Variants in ABL1 observed in about 807,000 individuals in gnomAD.
ABL1 encodes the protein tyrosine-protein kinase ABL1.
In ABL1, 11 loss-of-function variants were observed where a neutral mutation model predicts 94.7. The ratio of observed to expected loss-of-function variants is 0.12; its 90% CI spans 0.07 to 0.19. The LOEUF is 0.19. Among genes scored for constraint, ABL1 ranks in the 10% least tolerant of loss-of-function variants. ABL1 has a pLI of 1.00. For synonymous variants in ABL1, 656 were observed against 622.4 expected (o/e 1.05, Z -0.80); for missense variants, 1,082 against 1,489.4 (o/e 0.73, Z 4.50).
At chr9:130,720,166 C>A (rs1013507263) in intron 1 of ABL1, among the ~76,000 whole-genome samples, 1 of 152,162 alleles carries the variant, frequency 6.6e-6, no homozygotes, top group African/African-American at 2.4e-5. Context: ...ACAAAACAAT[C>A]CCTGCCCTCC....
In ABL1 at chr9:130,885,336, C is replaced by A. The variant is rs1423362935; in HGVS notation, c.3046C>A (p.Arg1016Ser). 1 of 1,613,732 alleles carries A rather than the reference C, an allele frequency of 6.2e-7. No homozygotes were observed. Among genetic ancestry groups the A allele is most frequent in the Non-Finnish European group, 8.5e-7 (1 of 1,180,042 alleles). ...ISTRVSLRKT[R>S]QPPERIASGA... ...AACCCGAGTGTCTCTTCGGAAAACC[C>A]GCCAGCCTCCAGAGCGGATCGCCAG... The change falls in exon 11 of 11, where the codon CGC becomes AGC. Residue 1016 changes from arginine to serine, a missense_variant. By Grantham distance (110) the Arg-to-Ser change is moderately radical. Around this residue, in one of 7 missense-constraint regions of ABL1, gnomAD observed 780 missense variants for 835.8 expected, o/e 0.93. Coordinates refer to ENST00000318560, the MANE Select transcript of ABL1 (RefSeq NM_005157.6).
intron 1 of ABL1, among the ~76,000 whole-genome samples, chr9:130,780,077 A>C (rs1187203027): frequency 2.0e-5 from 3 of 152,140 alleles, no homozygotes; most frequent in Non-Finnish European, 2.9e-5. Flanking sequence ...CGAGGTCAGG[A>C]GTTCAAGACC....
At chr9:130,722,940 A>G (rs1831534777) in intron 1 of ABL1, among the ~76,000 whole-genome samples, 1 of 152,240 alleles carries the variant, frequency 6.6e-6, no homozygotes, top group African/African-American at 2.4e-5. Context: ...CTTGTGCTTC[A>G]GATCTCCAAG....
chr9:130,771,050 C>T (rs1323714845), intron 1 of ABL1, among the ~76,000 whole-genome samples: 2 of 152,094 alleles, frequency 1.3e-5, no homozygotes, highest in Non-Finnish European at 2.9e-5. Context: ...TTGTATTGGG[C>T]CTGGATAATT....
In ABL1 at chr9:130,880,030, A is replaced by G. The variant is rs1442384760; in HGVS notation, c.1424-38A>G. 6.3e-7 allele frequency: 1 copy of G among 1,586,582 alleles called. No homozygotes were observed. The highest frequency in any genetic ancestry group is 2.2e-5 in the East Asian group (1 of 44,732). On this transcript the variant is annotated intron_variant, in intron 8 of 10. Transcript: ENST00000318560. The surrounding 1 kb of genome is among the most constrained non-coding windows in gnomAD (Gnocchi z 4.4). ...CTGCTAGCCCCGTATTGCTAGCCAG[A>G]TCTCATGGATGATCTGACTTGGGTT... is the stretch of plus-strand genomic sequence containing the variant.
intron 1 of ABL1, among the ~76,000 whole-genome samples, chr9:130,747,429 G>T (rs902940134): frequency 2.0e-5 from 3 of 151,704 alleles, no homozygotes; most frequent in East Asian, 1.9e-4. Context: ...TTTTGTTTGC[G>T]TGGGGACAGA....
At chr9:130,858,865 T>C (rs1215145810) in intron 3 of ABL1, among the ~76,000 whole-genome samples, 3 of 152,146 alleles carry the variant, frequency 2.0e-5, no homozygotes, top group South Asian at 2.1e-4. Context: ...CGCTCTTGGC[T>C]CTTATTTGTG....
chr9:130,880,434 C>A lies in ABL1; in HGVS notation c.1514-66C>A. On this transcript the variant is annotated intron_variant, in intron 9 of 10. Transcript: ENST00000318560. The surrounding 1 kb of genome is among the most constrained non-coding windows in gnomAD (Gnocchi z 4.4). ...TTACCTTACAAAGAAAGAGAACCACCACACCAAGCCAACACCAGTACTGAT... is the reference window on the plus strand; with the variant it reads ...TTACCTTACAAAGAAAGAGAACCACAACACCAAGCCAACACCAGTACTGAT... 1 of 1,573,630 alleles carries A rather than the reference C, an allele frequency of 6.4e-7. No homozygotes were observed. Among genetic ancestry groups the A allele is most frequent in the Non-Finnish European group, 8.7e-7 (1 of 1,153,270 alleles).
intron 6 of ABL1, among the ~76,000 whole-genome samples, chr9:130,874,025 C>T (rs1306013473): frequency 1.3e-5 from 2 of 152,166 alleles, no homozygotes; most frequent in Non-Finnish European, 2.9e-5. Flanking sequence ...CGGCCGGGTC[C>T]GTTCCTTCTT....
At chr9:130,822,170 C>T (rs1830371636) in intron 1 of ABL1, among the ~76,000 whole-genome samples, 1 of 152,146 alleles carries the variant, frequency 6.6e-6, no homozygotes, top group African/African-American at 2.4e-5. Flanking sequence ...CGAGGTTTCA[C>T]CATGTTGATC....
intron 1 of ABL1, among the ~76,000 whole-genome samples, chr9:130,766,264 C>T (rs1832181921): frequency 6.6e-6 from 1 of 152,188 alleles, no homozygotes; most frequent in South Asian, 2.1e-4. Flanking sequence ...GCCTGGAAGG[C>T]GGGTCTTGCT....
chr9:130,833,940 CAAAG>C (rs1830525056), upstream of ABL1: 1 of 438,878 alleles, frequency 2.3e-6, no homozygotes, highest in Admixed American at 2.4e-5. Flanking sequence ...GTTATTTGAC[CAAAG>C]ATATCCAATG....
chr9:130,715,715 G>A (rs1359987881), intron 1 of ABL1, among the ~76,000 whole-genome samples: 1 of 152,156 alleles, frequency 6.6e-6, no homozygotes, highest in African/African-American at 2.4e-5. Context: ...GGAGAGCTTT[G>A]GCGGAACTTA....
At chr9:130,760,714 G>A (rs1362780044) in intron 1 of ABL1, among the ~76,000 whole-genome samples, 5 of 151,158 alleles carry the variant, frequency 3.3e-5, no homozygotes, top group Non-Finnish European at 5.9e-5. Context: ...CCAGGCTGGA[G>A]TGCAGTGGCG....
intron 1 of ABL1, among the ~76,000 whole-genome samples, chr9:130,742,355 C>A (rs1352621612): frequency 6.6e-6 from 1 of 152,144 alleles, no homozygotes; most frequent in Non-Finnish European, 1.5e-5. Flanking sequence ...AAAGCTTTTT[C>A]TCCATTGGCT....
At chr9:130,719,154 TTC>T (rs1831483919) in intron 1 of ABL1, among the ~76,000 whole-genome samples, 1 of 152,166 alleles carries the variant, frequency 6.6e-6, no homozygotes. Flanking sequence ...GGAGAAAACT[TTC>T]TCTTTTTGGT....
rs1483930683 is a variant in ABL1 at position 130,753,084 on chromosome 9, G to A, written c.136+38629G>A. 2.6e-5 allele frequency among the ~76,000 whole-genome samples: 4 copies of A among 151,548 alleles called. No homozygotes were observed. The East Asian group carries it at 5.9e-4, about 22-fold the overall frequency. On this transcript the variant is annotated intron_variant, in intron 1 of 10. Coordinates refer to the ABL1 transcript ENST00000372348. ...ATCCTGGCTAACACGGTGAAACCCCGTCTCTACCAAAAATACAAAAAAATT... is the reference window on the plus strand; with the variant it reads ...ATCCTGGCTAACACGGTGAAACCCCATCTCTACCAAAAATACAAAAAAATT...
intron 1 of ABL1, among the ~76,000 whole-genome samples, chr9:130,801,268 C>T (rs1307411361): frequency 6.6e-6 from 1 of 151,712 alleles, no homozygotes; most frequent in Non-Finnish European, 1.5e-5. Flanking sequence ...CTTGCTCAAT[C>T]ATGCAGGCTG....
At chr9:130,813,934 G>T (rs1337270412) in intron 1 of ABL1, among the ~76,000 whole-genome samples, 1 of 152,154 alleles carries the variant, frequency 6.6e-6, no homozygotes, top group Admixed American at 6.6e-5. Context: ...TGACCTTGGG[G>T]TCCCACTTTT....
Sources: allele counts gnomAD v4.1 joint callset (sites outside exome capture counted in the v4.1 genomes callset), GRCh38; gene constraint gnomAD v4.1.1; regional missense constraint gnomAD v4.1.1; non-coding constraint Gnocchi (gnomAD v3.1); transcripts MANE v1.5; gene names NCBI Gene and HGNC (gene_info 2026-07-23, HGNC 2026-07-21).